Variants in TMEM163 observed in about 807,000 individuals in gnomAD.
TMEM163 encodes transmembrane protein 163.
TMEM163 carries 17 observed loss-of-function variants against 29.3 expected under a neutral mutation model. The ratio of observed to expected loss-of-function variants is 0.58; its 90% CI spans 0.40 to 0.87. TMEM163 has a LOEUF of 0.87. Ranked by LOEUF, TMEM163 falls within the 40% of genes least tolerant of loss-of-function variation. TMEM163 has a pLI of 0.00. For synonymous variants in TMEM163, 157 were observed against 160.6 expected (o/e 0.98, Z 0.17); for missense variants, 303 against 381.5 (o/e 0.79, Z 1.71).
intron 2 of TMEM163, among the ~76,000 whole-genome samples, chr2:134,557,664 C>T (rs910658323): frequency 3.3e-5 from 5 of 152,012 alleles, no homozygotes; most frequent in Admixed American, 1.3e-4. Context: ...TCTGTGTGAG[C>T]GGAGGGTAGA....
intron 2 of TMEM163, among the ~76,000 whole-genome samples, chr2:134,660,779 C>T (rs748690336): frequency 6.6e-6 from 1 of 152,180 alleles, no homozygotes; most frequent in Non-Finnish European, 1.5e-5. Flanking sequence ...GTGCATGCCC[C>T]GTGGCATTGC....
chr2:134,470,414 C>T (rs1686773640), intron 5 of TMEM163, among the ~76,000 whole-genome samples: 1 of 151,246 alleles, frequency 6.6e-6, no homozygotes, highest in South Asian at 2.1e-4. Context: ...GGGCCCGGCA[C>T]AGAGTGAATG....
At chr2:134,671,828 T>G (rs1684002801) in intron 2 of TMEM163, among the ~76,000 whole-genome samples, 1 of 152,194 alleles carries the variant, frequency 6.6e-6, no homozygotes, top group African/African-American at 2.4e-5. Flanking sequence ...TAGCTGTGAC[T>G]TAGGACAAAC....
rs1303908763 is a variant in TMEM163 at position 134,658,134 on chromosome 2, G to A, written c.322+55066C>T. Among the ~76,000 whole-genome samples the A allele has an allele frequency of 6.6e-5, 10 of 152,152 alleles. No individual in the cohort carries two copies. In the South Asian group the frequency reaches 8.3e-4, roughly 13 times the overall value. ...AGGCTGGTCAGAGTGATCCACTTGC[G>A]GATTCCTATAGACTTCAGAAACCTC... On this transcript the variant is annotated intron_variant, in intron 2 of 7. Coordinates refer to ENST00000281924, the MANE Select transcript of TMEM163 (RefSeq NM_030923.5).
intron 2 of TMEM163, among the ~76,000 whole-genome samples, chr2:134,666,597 T>C (rs967682812): frequency 3.2e-4 from 48 of 152,190 alleles, no homozygotes; most frequent in South Asian, 4.1e-4. Flanking sequence ...ATCCCTCTTC[T>C]GGAACTGAGT....
intron 1 of TMEM163, among the ~76,000 whole-genome samples, chr2:134,714,824 G>A (rs1010007909): frequency 1.3e-5 from 2 of 152,118 alleles, no homozygotes; most frequent in Non-Finnish European, 2.9e-5. Flanking sequence ...ATTCTGCCCA[G>A]GTACAAGTAA....
chr2:134,465,189 T>TAAAAAAAAAAAAAAAAA (rs1181405890), intron 6 of TMEM163, among the ~76,000 whole-genome samples: 15 of 117,682 alleles, frequency 1.3e-4, no homozygotes, highest in African/African-American at 5.2e-4. Context: ...TCCGCATCTT[T>TAAAAAAAAAAAAAAAAA]AAAAAAAAAA....
At chr2:134,717,240 T>C (rs908797093) in intron 1 of TMEM163, among the ~76,000 whole-genome samples, 4 of 152,188 alleles carry the variant, frequency 2.6e-5, no homozygotes, top group South Asian at 2.1e-4. Context: ...TTCTTCAATA[T>C]GGAATTTTTA....
intron 5 of TMEM163, among the ~76,000 whole-genome samples, chr2:134,471,339 C>T (rs1367029260): frequency 6.6e-6 from 1 of 152,168 alleles, no homozygotes; most frequent in Non-Finnish European, 1.5e-5. Flanking sequence ...CATAATGAGA[C>T]TAGTACCCTT....
At chr2:134,700,967 CA>C (rs1387650829) in intron 2 of TMEM163, among the ~76,000 whole-genome samples, 1 of 104,938 alleles carries the variant, frequency 9.5e-6, no homozygotes. Context: ...AATAAAAAGA[CA>C]AACCCATTAG....
intron 2 of TMEM163, among the ~76,000 whole-genome samples, 186 bp downstream of exon 2, chr2:134,713,014 A>C (rs1684959081): frequency 6.6e-6 from 1 of 152,130 alleles, no homozygotes; most frequent in Admixed American, 6.6e-5. Flanking sequence ...TCATCTTCTT[A>C]CCACCCTTTC....
chr2:134,588,825 C>T (rs140624524), intron 2 of TMEM163, among the ~76,000 whole-genome samples: 91 of 151,812 alleles, frequency 6.0e-4, no homozygotes, highest in African/African-American at 2.1e-3. Context: ...GGAAGGATGG[C>T]AAGTAAACAG....
chr2:134,615,160 A>C (rs1271851377), intron 2 of TMEM163, among the ~76,000 whole-genome samples: 2 of 152,184 alleles, frequency 1.3e-5, no homozygotes, highest in South Asian at 4.1e-4. Context: ...TTTTGCACCA[A>C]AATGTACTAA....
chr2:134,606,339 G>A (rs1260115168), intron 2 of TMEM163, among the ~76,000 whole-genome samples: 4 of 91,776 alleles, frequency 4.4e-5, no homozygotes, highest in East Asian at 2.1e-4. Flanking sequence ...GCAAAACTCC[G>A]TCTCAAAAAA....
At chr2:134,457,805 G>T (rs1349687934) in intron 7 of TMEM163, among the ~76,000 whole-genome samples, 1 of 152,178 alleles carries the variant, frequency 6.6e-6, no homozygotes, top group East Asian at 1.9e-4. Context: ...TGCCTTTGTG[G>T]CTTAAAGGCC....
At chr2:134,655,570 GC>G (rs1683582593) in intron 2 of TMEM163, among the ~76,000 whole-genome samples, 1 of 141,472 alleles carries the variant, frequency 7.1e-6, no homozygotes, top group Non-Finnish European at 1.5e-5. Flanking sequence ...TCTCCATCCA[GC>G]TTTGTTCCGT....
intron 5 of TMEM163, among the ~76,000 whole-genome samples, chr2:134,482,557 C>A (rs1302857504): frequency 1.3e-5 from 2 of 152,196 alleles, no homozygotes; most frequent in African/African-American, 4.8e-5. Context: ...AATGCTAATG[C>A]TGGCTGAATA....
rs1215657872 is a variant in TMEM163 at position 134,466,205 on chromosome 2, G to C, written c.576C>G (p.Val192=). The C allele has an allele frequency of 6.2e-7, 1 of 1,613,658 alleles. No homozygotes were observed. Among genetic ancestry groups the C allele is most frequent in the East Asian group, 2.2e-5 (1 of 44,900 alleles). The change falls in exon 6 of 8, where the codon GTC becomes GTG. Residue 192 remains valine (V), a synonymous_variant. Coordinates refer to ENST00000281924, the MANE Select transcript of TMEM163 (RefSeq NM_030923.5). ...LPEVDDFLFS[V]SILSGILCSI... is the part of the protein sequence containing the mutation. ...TGCAAAGAATCCCACTTAAAATGGA[G>C]ACACTGAACAGGAAATCGTCCTGCA...
intron 2 of TMEM163, among the ~76,000 whole-genome samples, chr2:134,635,030 G>A (rs1051794273): frequency 6.6e-6 from 1 of 152,250 alleles, no homozygotes; most frequent in Non-Finnish European, 1.5e-5. Flanking sequence ...GTTCACATGT[G>A]TAATGTGTCA....
Sources: gnomAD v4.1 joint callset for allele counts (sites outside exome capture counted in the v4.1 genomes callset) on GRCh38, gnomAD v4.1.1 for gene constraint, MANE v1.5 for transcripts, NCBI Gene and HGNC (gene_info 2026-07-23, HGNC 2026-07-21) for gene names.